TLL1: variants seen among roughly 807,000 people sequenced by gnomAD.
TLL1 encodes tolloid-like protein 1.
TLL1 carries 49 observed loss-of-function variants against 128.2 expected under a neutral mutation model. The ratio of observed to expected loss-of-function variants is 0.38; its 90% CI spans 0.30 to 0.48. The LOEUF (loss-of-function observed/expected upper bound fraction) is 0.48, where lower values mean the gene tolerates loss of function less well. TLL1 is among the 20% of genes least tolerant of loss of function. TLL1 has a pLI of 0.96. For synonymous variants in TLL1, 454 were observed against 418.8 expected, an observed-to-expected ratio of 1.08 and a Z score of -1.03; for missense variants, 1,123 against 1,242.0, an observed-to-expected ratio of 0.90 and a Z score of 1.44.
chr4:165,954,948 G>T (rs1283610914), intron 1 of TLL1, among the ~76,000 whole-genome samples: 22 of 152,048 alleles, frequency 1.4e-4, no homozygotes, highest in Non-Finnish European at 2.9e-5. Flanking sequence ...CCCCAGCAAT[G>T]GTTCCTAACC....
chr4:165,929,193 A>G (rs1289341688), intron 1 of TLL1, among the ~76,000 whole-genome samples: 3 of 152,214 alleles, frequency 2.0e-5, no homozygotes, highest in Non-Finnish European at 4.4e-5. Context: ...TAAGCCACCA[A>G]CACGATTTTC....
intron 18 of TLL1, among the ~76,000 whole-genome samples, chr4:166,086,571 C>T (rs1428719392): frequency 2.6e-5 from 4 of 152,034 alleles, no homozygotes; most frequent in Non-Finnish European, 5.9e-5. Context: ...TACACATGAC[C>T]GTTGCAACAT....
chr4:166,055,577 A>T (rs1040397610), intron 13 of TLL1, among the ~76,000 whole-genome samples: 1 of 152,144 alleles, frequency 6.6e-6, no homozygotes, highest in African/African-American at 2.4e-5. Flanking sequence ...ACCAACCAAG[A>T]ATTCATGAAC....
rs1011140475 is a variant in TLL1 at position 165,884,971 on chromosome 4, C to T, written c.169+10898C>T. On this transcript the variant is annotated intron_variant, in intron 1 of 20. Transcript: ENST00000061240. ...TATTCTTAAATACATTTGAAGTTAC[C>T]GGGTTCACTTTTTCTACATTTATAG... Among the ~76,000 whole-genome samples, 7 of 152,098 alleles carry T rather than the reference C, an allele frequency of 4.6e-5. No homozygotes were observed. In the East Asian group the frequency reaches 1.4e-3, roughly 29 times the overall value.
chr4:165,946,502 T>A (rs1734256641), intron 1 of TLL1, among the ~76,000 whole-genome samples: 3 of 125,302 alleles, frequency 2.4e-5, no homozygotes, highest in South Asian at 2.2e-4. Flanking sequence ...CCAGCTAATT[T>A]TTTTTTTTTT....
At chr4:166,062,246 TC>T (rs1266191951) in intron 15 of TLL1, among the ~76,000 whole-genome samples, 3 of 152,210 alleles carry the variant, frequency 2.0e-5, no homozygotes, top group African/African-American at 7.2e-5. Flanking sequence ...TTTTTCCAAT[TC>T]TGTGAAGAAA....
intron 1 of TLL1, among the ~76,000 whole-genome samples, chr4:165,942,998 C>A (rs901121142): frequency 2.0e-5 from 3 of 152,042 alleles, no homozygotes; most frequent in East Asian, 3.9e-4. Context: ...GAAAATAATT[C>A]TTCACTTACC....
intron 12 of TLL1, among the ~76,000 whole-genome samples, chr4:166,048,305 T>C (rs1202139229): frequency 6.6e-6 from 1 of 150,616 alleles, no homozygotes; most frequent in Non-Finnish European, 1.5e-5. Context: ...AAGGCAACGC[T>C]TATGAAGAGG....
intron 19 of TLL1, among the ~76,000 whole-genome samples, chr4:166,094,500 G>A (rs886164392): frequency 2.6e-5 from 4 of 152,042 alleles, no homozygotes; most frequent in African/African-American, 7.2e-5. Flanking sequence ...AGATACCCAC[G>A]TGAGGAACCC....
intron 1 of TLL1, among the ~76,000 whole-genome samples, chr4:165,981,088 A>G (rs1199545492): frequency 6.6e-6 from 1 of 152,098 alleles, no homozygotes; most frequent in Non-Finnish European, 1.5e-5. Context: ...AGTAACCAAT[A>G]TAATTATCTG....
At chr4:166,075,107 T>C (rs1020923251) in intron 17 of TLL1, 104 bp downstream of exon 17, 3 of 1,518,996 alleles carry the variant, frequency 2.0e-6, no homozygotes, top group South Asian at 2.3e-5. Context: ...AGTGATATCA[T>C]GGTGGGCTAT....
chr4:166,041,304 C>A (rs112595530), intron 10 of TLL1, among the ~76,000 whole-genome samples: 1 of 52,218 alleles, frequency 1.9e-5, no homozygotes, highest in African/African-American at 1.0e-4. Flanking sequence ...TTCTTTCTTT[C>A]TTTTTTTTTT....
At chr4:165,987,598 G>T (rs1736447660) in intron 1 of TLL1, among the ~76,000 whole-genome samples, 1 of 151,886 alleles carries the variant, frequency 6.6e-6, no homozygotes, top group Non-Finnish European at 1.5e-5. Flanking sequence ...GCCAGTGAGG[G>T]GTTTAAGAGA....
intron 5 of TLL1, among the ~76,000 whole-genome samples, chr4:166,002,114 C>T (rs79775333): frequency 1.5e-4 from 23 of 152,180 alleles, no homozygotes; most frequent in Non-Finnish European, 2.6e-4. Flanking sequence ...TCTGGAGACG[C>T]GGCACTGCAG....
chr4:165,950,627 G>C (rs940511886), intron 1 of TLL1, among the ~76,000 whole-genome samples: 1 of 151,770 alleles, frequency 6.6e-6, no homozygotes, highest in African/African-American at 2.4e-5. Context: ...TCACATATTT[G>C]GAAATATTAA....
intron 18 of TLL1, among the ~76,000 whole-genome samples, chr4:166,080,220 T>G (rs1394255023): frequency 6.6e-6 from 1 of 152,112 alleles, no homozygotes; most frequent in East Asian, 1.9e-4. Context: ...TGTGTATTCA[T>G]AGAGAGAGAC....
chr4:165,990,847 T>G (rs28509787), intron 2 of TLL1, among the ~76,000 whole-genome samples: 9,239 of 152,080 alleles, frequency 0.061, 928 homozygotes, highest in African/African-American at 0.21. Context: ...GTGTTTGTTA[T>G]GCATAGTGAC....
chr4:166,015,775 G>T lies in TLL1; in HGVS notation c.1042+1215G>T, dbSNP rs532688282. On this transcript the variant is annotated intron_variant, in intron 8 of 20. Coordinates refer to ENST00000061240, the MANE Select transcript of TLL1 (RefSeq NM_012464.5). ...CGTAATTCATTGATTCAACCCAGTG[G>T]ATTCTGTTGACATTCCTGCTGAGAG... 8.6e-5 allele frequency among the ~76,000 whole-genome samples: 13 copies of T among 151,832 alleles called. No homozygotes were observed. The South Asian group carries it at 2.7e-3, about 32-fold the overall frequency.
chr4:166,071,277 ATT>A (rs1740797692), intron 16 of TLL1, among the ~76,000 whole-genome samples: 1 of 151,934 alleles, frequency 6.6e-6, no homozygotes, highest in Non-Finnish European at 1.5e-5. Context: ...AGTATGTATC[ATT>A]CATAGACTGA....
Sources: gnomAD v4.1 joint callset for allele counts (sites outside exome capture counted in the v4.1 genomes callset) on GRCh38, gnomAD v4.1.1 for gene constraint, MANE v1.5 for transcripts, NCBI Gene and HGNC (gene_info 2026-07-23, HGNC 2026-07-21) for gene names.